The following RIPOR2 variants were observed in gnomAD, a reference collection of about 807,000 sequenced individuals.
RIPOR2 encodes the protein RHO family interacting cell polarization regulator 2, also known as rho family-interacting cell polarization regulator 2.
RIPOR2 carries 39 observed loss-of-function variants against 114.5 expected under a neutral mutation model. The observed-to-expected ratio is 0.34, with a 90% CI of 0.26 to 0.44. The LOEUF is 0.44. Ranked by LOEUF, RIPOR2 falls within the 20% of genes least tolerant of loss-of-function variation. RIPOR2 has a pLI of 1.00. For synonymous variants in RIPOR2, 445 were observed against 484.4 expected (o/e 0.92, Z 1.07); for missense variants, 1,007 against 1,255.1 (o/e 0.80, Z 2.99).
At chr6:24,947,120 T>C (rs1402559358) in intron 1 of RIPOR2, among the ~76,000 whole-genome samples, 5 of 152,182 alleles carry the variant, frequency 3.3e-5, no homozygotes, top group Admixed American at 1.3e-4. Flanking sequence ...TCTGTTTTTT[T>C]AAAGATTCCG....
chr6:24,915,725 A>G (rs1770025713), intron 1 of RIPOR2, among the ~76,000 whole-genome samples: 1 of 152,182 alleles, frequency 6.6e-6, no homozygotes, highest in African/African-American at 2.4e-5. Flanking sequence ...CCTGGGAAGG[A>G]ATTTAACATG....
intron 1 of RIPOR2, among the ~76,000 whole-genome samples, chr6:24,908,846 T>C (rs1769247788): frequency 6.6e-6 from 1 of 152,228 alleles, no homozygotes; most frequent in Non-Finnish European, 1.5e-5. Flanking sequence ...GAGCCATTTC[T>C]GGAATTGTGT....
Position 25,019,398 on chromosome 6 carries a change from T to C in RIPOR2, c.76+22453A>G, listed in dbSNP as rs139900481. ...TTGATTTATACTCTAGGATCAAACATAAAGCAGCCTTTTCTATGAAAATAA... is the reference window on the plus strand; with the variant it reads ...TTGATTTATACTCTAGGATCAAACACAAAGCAGCCTTTTCTATGAAAATAA... On this transcript the variant is annotated intron_variant, in intron 1 of 13. Transcript: ENST00000510784. Among the ~76,000 whole-genome samples the C allele has an allele frequency of 3.2e-4, 48 of 152,322 alleles. No homozygotes were observed. The East Asian group carries it at 9.1e-3, about 29-fold the overall frequency.
chr6:24,972,775 T>C (rs1267923123), intron 1 of RIPOR2, among the ~76,000 whole-genome samples: 1 of 152,216 alleles, frequency 6.6e-6, no homozygotes, highest in African/African-American at 2.4e-5. Flanking sequence ...TGGCAGCATA[T>C]GTTATGGAAG....
intron 1 of RIPOR2, among the ~76,000 whole-genome samples, chr6:24,973,334 G>A (rs1773877078): frequency 6.6e-6 from 1 of 152,126 alleles, no homozygotes; most frequent in Non-Finnish European, 1.5e-5. Context: ...TGGGCTTGGT[G>A]GCTTATGCCT....
At chr6:24,836,161 C>T (rs1366843713) in intron 14 of RIPOR2, 1 of 363,966 alleles carries the variant, frequency 2.7e-6, no homozygotes, top group African/African-American at 2.0e-5. Context: ...GAAACATGCC[C>T]TCATTTTGAA....
chr6:24,984,252 G>C (rs1259660446), intron 1 of RIPOR2, among the ~76,000 whole-genome samples: 1 of 152,208 alleles, frequency 6.6e-6, no homozygotes, highest in Non-Finnish European at 1.5e-5. Context: ...TCACCTGGGT[G>C]CAGGCGGGCT....
upstream of RIPOR2, among the ~76,000 whole-genome samples, chr6:24,938,118 T>C (rs1771918554): frequency 6.6e-6 from 1 of 152,278 alleles, no homozygotes; most frequent in African/African-American, 2.4e-5. Context: ...AACAGGGCCA[T>C]TGAAGATATA....
chr6:25,032,716 CA>C (rs1221419119), intron 1 of RIPOR2, among the ~76,000 whole-genome samples: 1 of 152,136 alleles, frequency 6.6e-6, no homozygotes, highest in Non-Finnish European at 1.5e-5. Flanking sequence ...AATTCCCAAC[CA>C]ATACAATCCG....
chr6:24,829,673 A>G (rs1760496694), intron 17 of RIPOR2, among the ~76,000 whole-genome samples: 1 of 152,192 alleles, frequency 6.6e-6, no homozygotes, highest in African/African-American at 2.4e-5. Context: ...CTATGAGTAT[A>G]TTACAATTTA....
chr6:25,029,411 GA>G (rs71544610), intron 1 of RIPOR2, among the ~76,000 whole-genome samples: 2,996 of 90,570 alleles, frequency 0.033, 49 homozygotes, highest in East Asian at 0.092. Context: ...TCTCAAAAAA[GA>G]AAAAAAAAAA....
intron 7 of RIPOR2, among the ~76,000 whole-genome samples, chr6:24,863,645 T>C (rs1764302489): frequency 6.6e-6 from 1 of 152,186 alleles, no homozygotes; most frequent in Non-Finnish European, 1.5e-5. Flanking sequence ...ATTTTCACTA[T>C]CATTTAACTG....
chr6:24,865,225 T>C, intron 7 of RIPOR2, 76 bp downstream of exon 7: 3 of 1,317,518 alleles, frequency 2.3e-6, no homozygotes, highest in Non-Finnish European at 3.1e-6. Flanking sequence ...GCTGTTTGCC[T>C]TGTTCTTGGC....
At chr6:24,940,708 C>T (rs1014866307), upstream of RIPOR2, among the ~76,000 whole-genome samples, 7 of 151,852 alleles carry the variant, frequency 4.6e-5, no homozygotes, top group Non-Finnish European at 8.8e-5. Context: ...TGCAGTGGCT[C>T]GACCTTGGCT....
upstream of RIPOR2, among the ~76,000 whole-genome samples, chr6:24,938,323 G>A (rs2114170303): frequency 6.6e-6 from 1 of 152,190 alleles, no homozygotes; most frequent in South Asian, 2.1e-4. Context: ...TAGGGGAGAG[G>A]CCTGCAAGAG....
chr6:24,879,337 T>G (rs2113919157), intron 1 of RIPOR2, among the ~76,000 whole-genome samples: 1 of 152,276 alleles, frequency 6.6e-6, no homozygotes, highest in Non-Finnish European at 1.5e-5. Flanking sequence ...AGTGGGGGAC[T>G]CTGTCTCAAA....
intron 1 of RIPOR2, among the ~76,000 whole-genome samples, chr6:24,918,689 G>T (rs1363155937): frequency 6.6e-6 from 1 of 152,186 alleles, no homozygotes; most frequent in African/African-American, 2.4e-5. Flanking sequence ...TCTCAGTAAG[G>T]TTAAATGAGC....
chr6:24,974,442 G>A (rs1181218119), intron 1 of RIPOR2, among the ~76,000 whole-genome samples: 2 of 152,108 alleles, frequency 1.3e-5, no homozygotes, highest in East Asian at 1.9e-4. Context: ...TTAGTCATCA[G>A]GGAAAATGGA....
chr6:24,994,677 C>T (rs193225630), intron 1 of RIPOR2, among the ~76,000 whole-genome samples: 12 of 152,234 alleles, frequency 7.9e-5, no homozygotes, highest in Admixed American at 5.9e-4. Flanking sequence ...CACCATAAGG[C>T]AAAGTTTTGG....
Sources: gnomAD v4.1 joint callset for allele counts (sites outside exome capture counted in the v4.1 genomes callset) on GRCh38, gnomAD v4.1.1 for gene constraint, MANE v1.5 for transcripts, NCBI Gene and HGNC (gene_info 2026-07-23, HGNC 2026-07-21) for gene names.